TMCC2: variants seen among roughly 807,000 people sequenced by gnomAD.
The protein encoded by TMCC2 is transmembrane and coiled-coil domain family 2, also known as transmembrane and coiled-coil domains protein 2.
TMCC2 carries 16 observed loss-of-function variants against 49.4 expected under a neutral mutation model. The ratio of observed to expected loss-of-function variants is 0.32; its 90% CI spans 0.22 to 0.49. The LOEUF (loss-of-function observed/expected upper bound fraction) is 0.49. Among genes scored for constraint, TMCC2 ranks in the 20% least tolerant of loss-of-function variants. TMCC2 has a pLI of 0.99. For synonymous variants in TMCC2, 397 were observed against 434.1 expected (o/e 0.91, Z 1.06); for missense variants, 762 against 989.8 (o/e 0.77, Z 3.09).
rs958900129 is a variant in TMCC2, at chr1:205,264,560, C to G, written c.748-4390C>G. On this transcript the variant is annotated intron_variant, in intron 2 of 4. Coordinates refer to ENST00000358024, the MANE Select transcript of TMCC2 (RefSeq NM_014858.4). This position sits in a 1 kb window ranked among gnomAD's most constrained non-coding sequence, Gnocchi z 4.2. The stretch of plus-strand genomic sequence containing the variant: ...AGTGCAGTGGCGTGATCTCGGTTCA[C>G]TGCAAGCTCCGCCTCCCAGGTTCGC... 2.0e-5 allele frequency among the ~76,000 whole-genome samples: 3 copies of G among 152,056 alleles called. No homozygotes were observed. The highest frequency in any genetic ancestry group is 2.9e-5 in the Non-Finnish European group (2 of 68,002).
intron 2 of TMCC2, among the ~76,000 whole-genome samples, chr1:205,251,553 G>A (rs1217357908): frequency 3.3e-5 from 5 of 152,226 alleles, no homozygotes; most frequent in Non-Finnish European, 5.9e-5. Flanking sequence ...GTGATACTGT[G>A]ACCAGGAGGC....
Position 205,269,652 on chromosome 1 carries a change from G to A in TMCC2, c.1450G>A (p.Ala484Thr), listed in dbSNP as rs762161152. Residue 484 changes from alanine (A) to threonine (T), a missense_variant, in exon 3 of 5, where the codon GCC becomes ACC. By Grantham distance (58) the Ala-to-Thr change is moderately conservative. This residue lies in a region of TMCC2 where 440 missense variants were observed against 636.7 expected (regional missense o/e 0.69). Transcript: ENST00000358024. ...CGATGATGAGTGCTCCAGCGCCAGCGCCAGCTCAGCCGGGGCAGGCAGCAA... is the reference window on the plus strand; with the variant it reads ...CGATGATGAGTGCTCCAGCGCCAGCACCAGCTCAGCCGGGGCAGGCAGCAA... ...GSDDECSSAS[A>T]SSAGAGSNSG... 6.8e-6 allele frequency: 11 copies of A among 1,613,636 alleles called. No homozygotes were observed. The highest frequency in any genetic ancestry group is 1.7e-5 in the Admixed American group (1 of 60,000).
chr1:205,242,222 A>G (rs374542863), intron 2 of TMCC2, among the ~76,000 whole-genome samples, 178 bp downstream of exon 2: 9 of 152,190 alleles, frequency 5.9e-5, no homozygotes, highest in African/African-American at 2.2e-4. Flanking sequence ...AAAACAAGAG[A>G]TGATTCCCAG....
intron 1 of TMCC2, among the ~76,000 whole-genome samples, chr1:205,234,602 G>C (rs1307713993): frequency 6.6e-6 from 1 of 152,166 alleles, no homozygotes; most frequent in Non-Finnish European, 1.5e-5. Context: ...GCATCATGCA[G>C]TGCAATCAGA....
intron 2 of TMCC2, chr1:205,268,163 T>C: frequency 1.3e-6 from 1 of 772,712 alleles, no homozygotes; most frequent in South Asian, 5.8e-5. Context: ...GGGCACAAAG[T>C]GTAGGCGGTC....
intron 4 of TMCC2, 193 bp downstream of exon 4, chr1:205,271,448 A>G: frequency 1.1e-6 from 1 of 912,454 alleles, no homozygotes; most frequent in South Asian, 1.6e-5. Flanking sequence ...TGAGGCTGAC[A>G]GCGTGCACTG....
At position 205,269,265 on chromosome 1, in the gene TMCC2, G is replaced by T. The variant is rs774480605; in HGVS notation, c.1063G>T (p.Glu355Ter). 6 of 1,613,678 alleles carry T rather than the reference G, an allele frequency of 3.7e-6. No individual in the cohort carries two copies. Among genetic ancestry groups the T allele is most frequent in the African/African-American group, 2.7e-5 (2 of 74,940 alleles). Residue 355 changes from glutamate (E) to a stop codon, truncating the protein, a stop_gained, in exon 3 of 5, where the codon GAG becomes TAG. Coordinates refer to ENST00000358024, the MANE Select transcript of TMCC2 (RefSeq NM_014858.4). LOFTEE classifies it high-confidence loss of function. ...QTIAQLHKKL[E>*]HYRRRLKEIE... ...CATCGCCCAGCTGCACAAGAAGCTGGAGCACTACCGCCGGCGCCTGAAGGA... is the reference window on the plus strand; with the variant it reads ...CATCGCCCAGCTGCACAAGAAGCTGTAGCACTACCGCCGGCGCCTGAAGGA...
Position 205,268,939 on chromosome 1 carries a change from T to C in TMCC2, c.748-11T>C. On this transcript the variant is annotated splice_polypyrimidine_tract_variant and intron_variant, in intron 2 of 4. Transcript: ENST00000358024. ...TTTACCCATGCTTCCTCTGCCTGCC[T>C]CTTTCCCCAGGTCGATAAGGGAGAC... The C allele has an allele frequency of 6.2e-7, 1 of 1,610,406 alleles. No individual in the cohort carries two copies. Among genetic ancestry groups the C allele is most frequent in the Non-Finnish European group, 8.5e-7 (1 of 1,177,978 alleles).
Position 205,272,158 on chromosome 1 carries a change from CCCCAGCTGG to C in TMCC2, c.*37_*45del, listed in dbSNP as rs1297797820. 6.3e-7 allele frequency: 1 copy of C among 1,596,088 alleles called. No homozygotes were observed. Among genetic ancestry groups the C allele is most frequent in the Non-Finnish European group, 8.6e-7 (1 of 1,167,160 alleles). ...CCACACCAACCCTGTGCTCTCTGGC[CCCCAGCTGG>C]CCACACTTCTCCAGGAGGGACCCTT... is the stretch of plus-strand genomic sequence containing the variant. On this transcript the variant is annotated 3_prime_UTR_variant, in exon 5 of 5. Coordinates refer to ENST00000358024, the MANE Select transcript of TMCC2 (RefSeq NM_014858.4).
intron 1 of TMCC2, among the ~76,000 whole-genome samples, chr1:205,240,126 G>T (rs977090954): frequency 1.9e-4 from 29 of 152,222 alleles, no homozygotes; most frequent in African/African-American, 7.0e-4. Flanking sequence ...CCTCTAAGGA[G>T]CTGCAGAATG....
intron 1 of TMCC2, among the ~76,000 whole-genome samples, chr1:205,238,033 G>C (rs915759506): frequency 2.6e-5 from 4 of 152,170 alleles, no homozygotes; most frequent in African/African-American, 9.7e-5. Flanking sequence ...TCTAATGCAT[G>C]GCTTCATTTG....
Position 205,235,536 on chromosome 1 carries a change from A to G in TMCC2, c.208-5969A>G, listed in dbSNP as rs139655308. Among the ~76,000 whole-genome samples, 542 of 152,228 alleles carry G rather than the reference A, an allele frequency of 3.6e-3. 4 individuals carry two copies. The highest frequency in any genetic ancestry group is 0.024 in the Middle Eastern group (7 of 294). On this transcript the variant is annotated intron_variant, in intron 1 of 4. Coordinates refer to ENST00000358024, the MANE Select transcript of TMCC2 (RefSeq NM_014858.4). ...AGGAGCTGGGGAAAAGGGCTCAGGC[A>G]GCTTCTCAGTGGTGGTCTTAAAGGC...
chr1:205,228,078 G>A lies in TMCC2; in HGVS notation c.-487G>A, dbSNP rs1187782118. 6.8e-6 allele frequency: 1 copy of A among 147,744 alleles called. No homozygotes were observed. Among genetic ancestry groups the A allele is most frequent in the Non-Finnish European group, 1.5e-5 (1 of 66,434 alleles). The allele number at this position is 147,744 out of a possible 1,614,324, so 9.2% of individuals were successfully genotyped here. A position where few individuals can be genotyped will look rare whatever the true frequency, so the allele number is the denominator to read the frequency against. On this transcript the variant is annotated 5_prime_UTR_variant, in exon 1 of 5. Transcript: ENST00000358024. ...TCCGCGGCCGGACCATGCGGGGCAGGGGCCGGTTGCAGGGCCGGGGGCTGC... is the reference window on the plus strand; with the variant it reads ...TCCGCGGCCGGACCATGCGGGGCAGAGGCCGGTTGCAGGGCCGGGGGCTGC...
rs575194661 is a variant in TMCC2 at position 205,260,946 on chromosome 1, T to C, written c.748-8004T>C. On this transcript the variant is annotated intron_variant, in intron 2 of 4. Coordinates refer to ENST00000358024, the MANE Select transcript of TMCC2 (RefSeq NM_014858.4). ...CATCAGTTAATGGACATCTGAGTTA[T>C]GTCCACCTTTTGGCTATTGTGAATA... Among the ~76,000 whole-genome samples the C allele has an allele frequency of 3.3e-5, 5 of 152,356 alleles. No homozygotes were observed. In the South Asian group the frequency reaches 1.0e-3, roughly 32 times the overall value.
chr1:205,272,189 C>G lies in TMCC2; in HGVS notation c.*65C>G. On this transcript the variant is annotated 3_prime_UTR_variant, in exon 5 of 5. Coordinates refer to ENST00000358024, the MANE Select transcript of TMCC2 (RefSeq NM_014858.4). Reference sequence around the variant, plus strand: ...CTGGCCACACTTCTCCAGGAGGGACCCTTGGACTTCTTTGTGTGTCCAGTT... The same window carrying G: ...CTGGCCACACTTCTCCAGGAGGGACGCTTGGACTTCTTTGTGTGTCCAGTT... The G allele has an allele frequency of 6.4e-7, 1 of 1,564,206 alleles. No homozygotes were observed. The highest frequency in any genetic ancestry group is 2.3e-5 in the East Asian group (1 of 43,890).
intron 2 of TMCC2, among the ~76,000 whole-genome samples, chr1:205,254,143 C>G (rs1485920470): frequency 2.0e-5 from 3 of 152,224 alleles, no homozygotes; most frequent in Admixed American, 6.5e-5. Flanking sequence ...GCACAGCTAG[C>G]AAGTGGCAGG....
At position 205,241,400 on chromosome 1, in the gene TMCC2, AGCTATGCC is replaced by A; in HGVS notation, c.208-104_208-97del. On this transcript the variant is annotated intron_variant, in intron 1 of 4. Transcript: ENST00000358024. The surrounding 1 kb of genome is among the most constrained non-coding windows in gnomAD (Gnocchi z 7.3). ...TCTTCCAGGTTCAGATGGCTGCATT[AGCTATGCC>A]AGTCTACCAAGGACAGACCCTTCAC... 4 of 1,224,636 alleles carry A rather than the reference AGCTATGCC, an allele frequency of 3.3e-6. No individual in the cohort carries two copies. The highest frequency in any genetic ancestry group is 4.6e-6 in the Non-Finnish European group (4 of 877,242). The allele number at this position is 1,224,636 out of a possible 1,614,324, so 75.9% of individuals were successfully genotyped here.
Position 205,269,205 on chromosome 1 carries a change from G to A in TMCC2, c.1003G>A (p.Val335Met). 1.2e-6 allele frequency: 2 copies of A among 1,614,154 alleles called. No homozygotes were observed. Among genetic ancestry groups the A allele is most frequent in the Non-Finnish European group, 8.5e-7 (1 of 1,180,040 alleles). The change falls in exon 3 of 5, where the codon GTG (valine) becomes ATG (methionine). Residue 335 changes from valine to methionine, a missense_variant. Physicochemically the swap from Val to Met is conservative, Grantham distance 21. Transcript: ENST00000358024. ...GCAGCAGGTGTCACGCATCAAGCAAGTGTTCGAGAAGAAGAACCAGAAGTC... is the reference window on the plus strand; with the variant it reads ...GCAGCAGGTGTCACGCATCAAGCAAATGTTCGAGAAGAAGAACCAGAAGTC... The part of the protein sequence containing the change: ...DKQQVSRIKQ[V>M]FEKKNQKSAQ...
intron 1 of TMCC2, among the ~76,000 whole-genome samples, chr1:205,235,713 C>G (rs758737654): frequency 1.2e-4 from 18 of 152,140 alleles, no homozygotes; most frequent in Non-Finnish European, 2.4e-4. Flanking sequence ...AGTCTCTCTT[C>G]GTGTAAGAAG....
Sources: allele counts gnomAD v4.1 joint callset (sites outside exome capture counted in the v4.1 genomes callset), GRCh38; gene constraint gnomAD v4.1.1; regional missense constraint gnomAD v4.1.1; non-coding constraint Gnocchi (gnomAD v3.1); transcripts MANE v1.5; gene names NCBI Gene and HGNC (gene_info 2026-07-23, HGNC 2026-07-21).